UFD1: variants seen among roughly 807,000 people sequenced by gnomAD.
UFD1 encodes ubiquitin recognition factor in ER-associated degradation protein 1.
UFD1 carries 13 observed loss-of-function variants against 45.9 expected under a neutral mutation model. That is an observed-to-expected ratio of 0.28 (90% CI 0.18 to 0.45). UFD1 has a LOEUF of 0.45. UFD1 is among the 20% of genes least tolerant of loss of function. UFD1 has a pLI of 1.00. For missense variants in UFD1, 218 were observed against 389.2 expected, an observed-to-expected ratio of 0.56 and a Z score of 3.70; for synonymous variants, 128 against 139.2, an observed-to-expected ratio of 0.92 and a Z score of 0.56.
At chr22:19,463,816 T>C (rs1366697725) in intron 6 of UFD1, among the ~76,000 whole-genome samples, 1 of 152,234 alleles carries the variant, frequency 6.6e-6, no homozygotes, top group Admixed American at 6.5e-5. Context: ...TTTTCCCTAC[T>C]TCTAAAAGTG....
chr22:19,463,789 C>T (rs1446225537), intron 6 of UFD1, among the ~76,000 whole-genome samples: 1 of 152,094 alleles, frequency 6.6e-6, no homozygotes, highest in Non-Finnish European at 1.5e-5. Context: ...ATCAGAAGGG[C>T]CCATTAGAGG....
intron 4 of UFD1, chr22:19,470,932 C>A: frequency 2.3e-6 from 1 of 427,326 alleles, no homozygotes; most frequent in Non-Finnish European, 4.6e-6. Context: ...CTCAGTATGC[C>A]TGATGTAATC....
At position 19,471,817 on chromosome 22, in the gene UFD1, AAGAG is replaced by A. The variant is rs1228449761; in HGVS notation, c.170-13_170-10del. ...GGTAATGTTAAGTCGGCCTGAAAATAAGAGAGAGACTATGAGGCACAGCTCCTAT... is the reference window on the plus strand; with the variant it reads ...GGTAATGTTAAGTCGGCCTGAAAATAAGAGACTATGAGGCACAGCTCCTAT... On this transcript the variant is annotated splice_polypyrimidine_tract_variant and intron_variant, in intron 3 of 11. Transcript: ENST00000263202. 1.2e-6 allele frequency: 2 copies of A among 1,612,630 alleles called. No individual in the cohort carries two copies. The highest frequency in any genetic ancestry group is 1.7e-6 in the Non-Finnish European group (2 of 1,179,004).
chr22:19,465,372 C>G (rs1459685946), intron 5 of UFD1, 98 bp from the exon 6 acceptor site: 2 of 1,016,998 alleles, frequency 2.0e-6, no homozygotes, highest in African/African-American at 3.2e-5. Flanking sequence ...GAGACTGTAC[C>G]ATGATGGTAC....
chr22:19,450,584 G>T lies in UFD1; in HGVS notation c.*86C>A. 1 of 1,516,992 alleles carries T rather than the reference G, an allele frequency of 6.6e-7. No individual in the cohort carries two copies. The highest frequency in any genetic ancestry group is 9.1e-7 in the Non-Finnish European group (1 of 1,095,888). The allele number at this position is 1,516,992 out of a possible 1,614,324, so 94.0% of individuals were successfully genotyped here. On this transcript the variant is annotated 3_prime_UTR_variant, in exon 12 of 12. Coordinates refer to ENST00000263202, the MANE Select transcript of UFD1 (RefSeq NM_005659.7). ...AAGTAACAGAGTATTCTCTGATGAG[G>T]CTCGTCCCTGTCAGTGCCAGTAACT...
intron 1 of UFD1, among the ~76,000 whole-genome samples, chr22:19,478,386 T>C (rs1187758247): frequency 6.6e-6 from 1 of 152,218 alleles, no homozygotes; most frequent in African/African-American, 2.4e-5. Flanking sequence ...CCAGACAGAC[T>C]TGGCTTCAAC....
intron 10 of UFD1, among the ~76,000 whole-genome samples, 186 bp downstream of exon 10, chr22:19,455,494 G>A (rs1007753672): frequency 1.3e-5 from 2 of 152,070 alleles, no homozygotes; most frequent in Admixed American, 1.3e-4. Flanking sequence ...AGTGGTACTG[G>A]GGGTGGCACT....
rs58188857 is a variant in UFD1 at position 19,453,185 on chromosome 22, T to C, written c.849+1564A>G. 18,869 of 985,228 alleles carry C rather than the reference T, an allele frequency of 0.019. 2,696 individuals are homozygous for C. In the African/African-American group the frequency reaches 0.3, roughly 16 times the overall value. The allele number at this position is 985,228 out of a possible 1,614,324, so 61.0% of individuals were successfully genotyped here. On this transcript the variant is annotated intron_variant, in intron 11 of 11. Transcript: ENST00000263202. Reference sequence around the variant, plus strand: ...CTAACTGCTTAGTAACAGAATTCTGTCTTTAGTCCCTCATTTCTAGAGGTG... The same window carrying C: ...CTAACTGCTTAGTAACAGAATTCTGCCTTTAGTCCCTCATTTCTAGAGGTG...
Position 19,458,277 on chromosome 22 carries a change from C to G in UFD1, c.496-138G>C, listed in dbSNP as rs936219243. ...CATGACACAACCTACAGCTGCACTT[C>G]TTGCTGTGACAACACTGCCATAAGG... On this transcript the variant is annotated intron_variant, in intron 6 of 11. Coordinates refer to ENST00000263202, the MANE Select transcript of UFD1 (RefSeq NM_005659.7). 12 of 846,404 alleles carry G rather than the reference C, an allele frequency of 1.4e-5. No individual in the cohort carries two copies. In the African/African-American group the frequency reaches 2.0e-4, roughly 14 times the overall value. The allele number at this position is 846,404 out of a possible 1,614,324, so 52.4% of individuals were successfully genotyped here.
In UFD1 at chr22:19,450,563, A is replaced by G; in HGVS notation, c.*107T>C. Reference sequence around the variant, plus strand: ...AGGTAACTCTAAATAAATCTTAAGTAACAGAGTATTCTCTGATGAGGCTCG... The same window carrying G: ...AGGTAACTCTAAATAAATCTTAAGTGACAGAGTATTCTCTGATGAGGCTCG... On this transcript the variant is annotated 3_prime_UTR_variant, in exon 12 of 12. Coordinates refer to ENST00000263202, the MANE Select transcript of UFD1 (RefSeq NM_005659.7). 5 of 1,369,648 alleles carry G rather than the reference A, an allele frequency of 3.7e-6. No individual in the cohort carries two copies. Among genetic ancestry groups the G allele is most frequent in the Non-Finnish European group, 5.1e-6 (5 of 978,142 alleles). 84.8% of individuals were successfully genotyped at this position (1,369,648 alleles called of 1,614,324 possible). A position where few individuals can be genotyped will look rare whatever the true frequency, so the allele number is the denominator to read the frequency against.
rs1302848818 is a variant in UFD1, at chr22:19,450,594, G to C, written c.*76C>G. 8.9e-6 allele frequency: 14 copies of C among 1,568,460 alleles called. No homozygotes were observed. Among genetic ancestry groups the C allele is most frequent in the Non-Finnish European group, 1.2e-5 (14 of 1,140,962 alleles). ...GTATTCTCTGATGAGGCTCGTCCCT[G>C]TCAGTGCCAGTAACTAAAAGCCAAG... On this transcript the variant is annotated 3_prime_UTR_variant, in exon 12 of 12. Coordinates refer to ENST00000263202, the MANE Select transcript of UFD1 (RefSeq NM_005659.7).
At chr22:19,451,920 C>A in intron 11 of UFD1, 1 of 985,438 alleles carries the variant, frequency 1.0e-6, no homozygotes, top group Non-Finnish European at 1.2e-6. Context: ...TTAGTGGGGG[C>A]TCCTTATTTC....
chr22:19,475,245 T>A, intron 2 of UFD1, 145 bp from the exon 3 acceptor site: 1 of 1,094,814 alleles, frequency 9.1e-7, no homozygotes, highest in Non-Finnish European at 1.3e-6. Context: ...TCATGAAGAA[T>A]CTTACTTGAT....
At chr22:19,477,024 AAAG>A (rs2089887635) in intron 1 of UFD1, among the ~76,000 whole-genome samples, 1 of 151,566 alleles carries the variant, frequency 6.6e-6, no homozygotes, top group Non-Finnish European at 1.5e-5. Context: ...AAAAAAAAAA[AAAG>A]TTTAATTTAT....
Position 19,455,611 on chromosome 22 carries a change from G to A in UFD1, c.767+69C>T, listed in dbSNP as rs2089716679. 10 of 1,497,790 alleles carry A rather than the reference G, an allele frequency of 6.7e-6. No individual in the cohort carries two copies. In the African/African-American group the frequency reaches 1.4e-4, roughly 21 times the overall value. The allele number at this position is 1,497,790 out of a possible 1,614,324, so 92.8% of individuals were successfully genotyped here. On this transcript the variant is annotated intron_variant, in intron 10 of 11. Coordinates refer to ENST00000263202, the MANE Select transcript of UFD1 (RefSeq NM_005659.7). ...GGCTTTGTCTCCAGAACTGGGGTGA[G>A]GCTGCCCGACCCCAGCGGGCTGGCA...
At chr22:19,450,982 C>T in intron 11 of UFD1, 1 of 1,187,392 alleles carries the variant, frequency 8.4e-7, no homozygotes, top group Non-Finnish European at 1.1e-6. Flanking sequence ...CCAAAAATAG[C>T]TCAGTGTGGT....
intron 10 of UFD1, 51 bp downstream of exon 10, chr22:19,455,629 G>T (rs781019486): frequency 6.9e-6 from 11 of 1,585,748 alleles, no homozygotes; most frequent in Admixed American, 1.7e-5. Flanking sequence ...GACCCCAGCG[G>T]GCTGGCACAG....
chr22:19,463,561 G>T (rs769395940), intron 6 of UFD1, among the ~76,000 whole-genome samples: 46 of 152,290 alleles, frequency 3.0e-4, no homozygotes, highest in Non-Finnish European at 6.0e-4. Flanking sequence ...TCCCAAAGAC[G>T]TAACTAAACT....
Position 19,478,984 on chromosome 22 carries a change from G to A in UFD1, c.3+99C>T, listed in dbSNP as rs1158078643. ...GGCCGGACTCAGGCCCGGGTGACTC[G>A]GCACCTCCGCCGCCGTCCCGCCCCG... On this transcript the variant is annotated intron_variant, in intron 1 of 11. Coordinates refer to ENST00000263202, the MANE Select transcript of UFD1 (RefSeq NM_005659.7). 6 of 1,483,438 alleles carry A rather than the reference G, an allele frequency of 4.0e-6. No homozygotes were observed. In the African/African-American group the frequency reaches 4.3e-5, roughly 11 times the overall value. 91.9% of individuals were successfully genotyped at this position (1,483,438 alleles called of 1,614,324 possible).
Sources: gnomAD v4.1 joint callset for allele counts (sites outside exome capture counted in the v4.1 genomes callset) on GRCh38, gnomAD v4.1.1 for gene constraint, MANE v1.5 for transcripts, NCBI Gene and HGNC (gene_info 2026-07-23, HGNC 2026-07-21) for gene names.